BTF3L4: variants seen among roughly 807,000 people sequenced by gnomAD.
BTF3L4 encodes the protein transcription factor BTF3 homolog 4.
A neutral mutation model predicts 16.8 loss-of-function variants in BTF3L4; 6 were observed. The observed-to-expected ratio is 0.36, with a 90% CI of 0.20 to 0.71. The LOEUF is 0.71. BTF3L4 is among the 30% of genes least tolerant of loss of function. The pLI, the probability that BTF3L4 is intolerant of heterozygous loss-of-function variation, is 0.58. For synonymous variants in BTF3L4, 39 were observed against 59.8 expected, an observed-to-expected ratio of 0.65 and a Z score of 1.60; for missense variants, 92 against 186.9, an observed-to-expected ratio of 0.49 and a Z score of 2.96.
chr1:52,086,310 A>G (rs570822847), intron 5 of BTF3L4, 139 bp downstream of exon 5: 27 of 594,718 alleles, frequency 4.5e-5, no homozygotes, highest in Non-Finnish European at 6.7e-5. Context: ...GATAGGATCT[A>G]ATGAAAAACA....
At chr1:52,063,504 A>G (rs572421256) in intron 2 of BTF3L4, among the ~76,000 whole-genome samples, 6 of 152,258 alleles carry the variant, frequency 3.9e-5, no homozygotes, top group South Asian at 2.1e-4. Context: ...CCTTACCTCT[A>G]TAAGGCTGAT....
chr1:52,057,836 C>T (rs1464340350), intron 1 of BTF3L4, among the ~76,000 whole-genome samples: 2 of 152,204 alleles, frequency 1.3e-5, no homozygotes, highest in Non-Finnish European at 2.9e-5. Context: ...TCCTGACCAC[C>T]TGGAATGGAA....
chr1:52,057,134 A>G (rs929321267), intron 1 of BTF3L4, among the ~76,000 whole-genome samples: 12 of 152,248 alleles, frequency 7.9e-5, no homozygotes, highest in Non-Finnish European at 1.3e-4. Context: ...ACAAGTTCAG[A>G]GAAGAAAAAT....
chr1:52,086,322 CGT>C, intron 5 of BTF3L4, 151 bp downstream of exon 5: 1 of 537,550 alleles, frequency 1.9e-6, no homozygotes, highest in Non-Finnish European at 3.2e-6. Context: ...TGAAAAACAA[CGT>C]AAGCACCCAC....
chr1:52,059,696 TAAG>T, intron 1 of BTF3L4, 136 bp from the exon 2 acceptor site: 1 of 473,694 alleles, frequency 2.1e-6, no homozygotes, highest in East Asian at 3.5e-5. Flanking sequence ...TAATGTTTAT[TAAG>T]AATATAGACA....
chr1:52,058,419 A>C (rs1686428033), intron 1 of BTF3L4, among the ~76,000 whole-genome samples: 1 of 152,162 alleles, frequency 6.6e-6, no homozygotes, highest in Non-Finnish European at 1.5e-5. Context: ...ATAGTCTTTG[A>C]TGCTGCTTTT....
chr1:52,061,575 A>G (rs895481334), intron 2 of BTF3L4, among the ~76,000 whole-genome samples: 2 of 150,548 alleles, frequency 1.3e-5, no homozygotes, highest in African/African-American at 4.9e-5. Flanking sequence ...AAAGGCACAT[A>G]TGGTGCTAAG....
At chr1:52,062,915 T>C (rs1187910989) in intron 2 of BTF3L4, among the ~76,000 whole-genome samples, 4 of 105,672 alleles carry the variant, frequency 3.8e-5, no homozygotes, top group African/African-American at 1.4e-4. Flanking sequence ...CATCCTAGTT[T>C]CCTCGCATAC....
chr1:52,080,680 CCTGCCACCATGT>C (rs1348785444), intron 3 of BTF3L4, among the ~76,000 whole-genome samples: 11 of 151,362 alleles, frequency 7.3e-5, no homozygotes, highest in Admixed American at 2.0e-4. Flanking sequence ...GTTATAGGTG[CCTGCCACCATGT>C]CTGTCTAATT....
chr1:52,067,301 C>T (rs966647265), intron 3 of BTF3L4, among the ~76,000 whole-genome samples: 3 of 152,230 alleles, frequency 2.0e-5, no homozygotes, highest in African/African-American at 7.2e-5. Context: ...CAAAGTGCCA[C>T]ATGTTCCTTC....
chr1:52,081,333 C>G (rs528452183), intron 3 of BTF3L4, among the ~76,000 whole-genome samples: 1 of 152,158 alleles, frequency 6.6e-6, no homozygotes, highest in Non-Finnish European at 1.5e-5. Flanking sequence ...GGGGTTTCAC[C>G]ATGTTGGCCA....
intron 3 of BTF3L4, among the ~76,000 whole-genome samples, chr1:52,082,738 C>CAAAA (rs35173948): frequency 7.1e-6 from 1 of 140,984 alleles, no homozygotes. Context: ...GATTCTGTCT[C>CAAAA]AAAAAAAAAA....
intron 3 of BTF3L4, chr1:52,071,188 T>G (rs1686776981): frequency 6.6e-6 from 1 of 152,244 alleles, no homozygotes; most frequent in Non-Finnish European, 1.5e-5. Context: ...GTAAGAAGTG[T>G]AACCAAAAAG....
intron 3 of BTF3L4, among the ~76,000 whole-genome samples, chr1:52,079,394 A>AG (rs563587722): frequency 8.6e-5 from 13 of 151,494 alleles, no homozygotes; most frequent in African/African-American, 1.7e-4. Context: ...AAAAAAAAAA[A>AG]AAAGAAAGAA....
chr1:52,065,205 A>G (rs1219814506), intron 3 of BTF3L4: 4 of 210,310 alleles, frequency 1.9e-5, no homozygotes, highest in Non-Finnish European at 3.8e-5. Flanking sequence ...TTGAATATTA[A>G]TATAAAATAT....
chr1:52,058,085 G>A (rs1686420353), intron 1 of BTF3L4, among the ~76,000 whole-genome samples: 1 of 151,986 alleles, frequency 6.6e-6, no homozygotes, highest in Non-Finnish European at 1.5e-5. Flanking sequence ...ACACTCTCAT[G>A]GCCACATTCC....
At chr1:52,076,593 CAAA>C (rs71579904) in intron 3 of BTF3L4, among the ~76,000 whole-genome samples, 1 of 87,616 alleles carries the variant, frequency 1.1e-5, no homozygotes. Flanking sequence ...GATTCTGTCT[CAAA>C]AAAAAAAAAA....
In BTF3L4 at chr1:52,059,825, C is replaced by A. The variant is rs746798879; in HGVS notation, c.-13-10C>A. On this transcript the variant is annotated splice_polypyrimidine_tract_variant and intron_variant, in intron 1 of 5. Transcript: ENST00000313334. ...GAGTGACTTTAACAAATCTATTTTT[C>A]CCCCCCTAGATTTACCAACAGCATG... 6.2e-7 allele frequency: 1 copy of A among 1,609,840 alleles called. No individual in the cohort carries two copies. Among genetic ancestry groups the A allele is most frequent in the Non-Finnish European group, 8.5e-7 (1 of 1,177,196 alleles).
intron 3 of BTF3L4, among the ~76,000 whole-genome samples, chr1:52,067,563 T>G (rs1686687205): frequency 6.6e-6 from 1 of 152,186 alleles, no homozygotes; most frequent in African/African-American, 2.4e-5. Context: ...CCTCAAATAT[T>G]TTAGAGACCG....
Sources: allele counts gnomAD v4.1 joint callset (sites outside exome capture counted in the v4.1 genomes callset), GRCh38; gene constraint gnomAD v4.1.1; transcripts MANE v1.5; gene names NCBI Gene and HGNC (gene_info 2026-07-23, HGNC 2026-07-21).